The following OTOF variants were observed in gnomAD, a reference collection of about 807,000 sequenced individuals.
OTOF encodes fer-1-like family member 2.
In OTOF, 218 loss-of-function variants were observed where a neutral mutation model predicts 236.8. The observed-to-expected ratio is 0.92, with a 90% CI of 0.82 to 1.03. The LOEUF is 1.03. OTOF is among the 50% of genes least tolerant of loss of function. The pLI, the probability that OTOF is intolerant of heterozygous loss-of-function variation, is 0.00. For synonymous variants in OTOF, 1,041 were observed against 1,072.5 expected (o/e 0.97, Z 0.57); for missense variants, 2,590 against 2,694.4 (o/e 0.96, Z 0.86).
chr2:26,552,255 T>C (rs916384630), intron 1 of OTOF, among the ~76,000 whole-genome samples: 1 of 152,020 alleles, frequency 6.6e-6, no homozygotes, highest in Non-Finnish European at 1.5e-5. Flanking sequence ...CTGAGCATGG[T>C]GGTGCGTGCC....
intron 9 of OTOF, 38 bp downstream of exon 9, chr2:26,494,904 A>G (rs976246288): frequency 3.1e-6 from 5 of 1,613,648 alleles, no homozygotes; most frequent in Non-Finnish European, 3.4e-6. Flanking sequence ...CCCTCCTGCC[A>G]TATTTACAGA....
chr2:26,546,588 T>C (rs1468433788), intron 1 of OTOF, among the ~76,000 whole-genome samples: 1 of 152,196 alleles, frequency 6.6e-6, no homozygotes, highest in Non-Finnish European at 1.5e-5. Flanking sequence ...ATCATTTGCA[T>C]GTCCACATAA....
At chr2:26,490,353 G>A (rs1330806028) in intron 9 of OTOF, among the ~76,000 whole-genome samples, 1 of 152,222 alleles carries the variant, frequency 6.6e-6, no homozygotes, top group East Asian at 1.9e-4. Context: ...GCAAGCCTCA[G>A]AGCAGATGAA....
intron 15 of OTOF, 26 bp from the exon 16 acceptor site, chr2:26,480,337 C>T: frequency 7.1e-7 from 1 of 1,416,144 alleles, no homozygotes; most frequent in Non-Finnish European, 9.9e-7. Context: ...TCAAAGCGTT[C>T]CTGAGCTTGA....
rs766410184 is a variant in OTOF at position 26,483,596 on chromosome 2, A to G, written c.1258T>C (p.Tyr420His). ...VPPERQWARF[Y>H]VKIYRAEGLP... ...CCCTCTGCTCGGTAAATTTTCACATAGAACCGGGCCCACTGGCGTTCGGGG... is the reference window on the plus strand; with the variant it reads ...CCCTCTGCTCGGTAAATTTTCACATGGAACCGGGCCCACTGGCGTTCGGGG... The change falls in exon 13 of 47, where the codon TAT becomes CAT. Residue 420 changes from tyrosine to histidine, a missense_variant. Tyr to His is a moderately conservative substitution (Grantham distance 83). Transcript: ENST00000272371. The G allele has an allele frequency of 1.2e-6, 2 of 1,613,510 alleles. No homozygotes were observed. Among genetic ancestry groups the G allele is most frequent in the Non-Finnish European group, 8.5e-7 (1 of 1,180,032 alleles).
At chr2:26,496,257 T>G (rs960548981) in intron 8 of OTOF, among the ~76,000 whole-genome samples, 1 of 139,260 alleles carries the variant, frequency 7.2e-6, no homozygotes, top group Non-Finnish European at 1.5e-5. Context: ...TTTTTCACAC[T>G]GAGTCTCTCT....
Position 26,477,781 on chromosome 2 carries a change from C to T in OTOF, c.2215-32G>A, listed in dbSNP as rs751731731. ...ATCAGGAGTGTGGGTGATGCTGGGC[C>T]ACAGCCCCGCCTCCCCAGCCTCCCC... On this transcript the variant is annotated intron_variant, in intron 18 of 46. Coordinates refer to ENST00000272371, the MANE Select transcript of OTOF (RefSeq NM_194248.3). The surrounding 1 kb of genome is among the most constrained non-coding windows in gnomAD (Gnocchi z 4.7). 1 of 1,610,678 alleles carries T rather than the reference C, an allele frequency of 6.2e-7. No homozygotes were observed. The highest frequency in any genetic ancestry group is 8.5e-7 in the Non-Finnish European group (1 of 1,179,050).
rs141047388 is a variant in OTOF at position 26,502,540 on chromosome 2, T to G, written c.584-114A>C. The G allele has an allele frequency of 2.7e-4, 295 of 1,080,170 alleles. 2 individuals are homozygous for G. Among genetic ancestry groups the G allele is most frequent in the South Asian group, 2.5e-3 (188 of 74,424 alleles). The allele number at this position is 1,080,170 out of a possible 1,614,324, so 66.9% of individuals were successfully genotyped here. The stretch of plus-strand genomic sequence containing the variant: ...GAGTTAAATTCGAGGTTTACTTAGT[T>G]GCTACCGCTTAGAATATTATGGCCT... On this transcript the variant is annotated intron_variant, in intron 6 of 46. Transcript: ENST00000272371.
At chr2:26,522,530 C>T (rs1438534650) in intron 3 of OTOF, among the ~76,000 whole-genome samples, 1 of 152,232 alleles carries the variant, frequency 6.6e-6, no homozygotes, top group Non-Finnish European at 1.5e-5. Flanking sequence ...GGCCTTTGTG[C>T]ATCCTGGCTG....
rs929164093 is a variant in OTOF at position 26,470,102 on chromosome 2, G to C, written c.4023+491C>G. ...AAAACATTATGAAGAAGAGTCGTAAGGACTACTGATAAGCAGTTGTTCCCT... is the reference window on the plus strand; with the variant it reads ...AAAACATTATGAAGAAGAGTCGTAACGACTACTGATAAGCAGTTGTTCCCT... On this transcript the variant is annotated intron_variant, in intron 32 of 46. Transcript: ENST00000272371. This position sits in a 1 kb window ranked among gnomAD's most constrained non-coding sequence, Gnocchi z 4.3. Among the ~76,000 whole-genome samples, 12 of 152,192 alleles carry C rather than the reference G, an allele frequency of 7.9e-5. No homozygotes were observed. Among genetic ancestry groups the C allele is most frequent in the Admixed American group, 7.2e-4 (11 of 15,288 alleles).
At chr2:26,540,975 T>TC (rs1248236163) in intron 1 of OTOF, among the ~76,000 whole-genome samples, 4 of 152,216 alleles carry the variant, frequency 2.6e-5, no homozygotes, top group African/African-American at 7.2e-5. Flanking sequence ...CTTTTAATTT[T>TC]CCCCGCAGGT....
chr2:26,553,260 C>T (rs1242767884), intron 1 of OTOF, among the ~76,000 whole-genome samples: 1 of 152,136 alleles, frequency 6.6e-6, no homozygotes, highest in Non-Finnish European at 1.5e-5. Flanking sequence ...TGTGGCTTCC[C>T]CGACATGGAA....
intron 7 of OTOF, 46 bp from the exon 8 acceptor site, chr2:26,501,854 T>C (rs781717330): frequency 1.5e-5 from 22 of 1,449,952 alleles, no homozygotes; most frequent in Non-Finnish European, 1.8e-5. Flanking sequence ...GGGGACTGCT[T>C]GTTGGGGAGG....
intron 8 of OTOF, among the ~76,000 whole-genome samples, chr2:26,500,167 C>T (rs1191498202): frequency 6.6e-6 from 1 of 152,182 alleles, no homozygotes; most frequent in African/African-American, 2.4e-5. Context: ...TGAACCCTGG[C>T]TCTAACCTTG....
intron 11 of OTOF, 60 bp downstream of exon 11, chr2:26,489,151 G>C (rs1009810833): frequency 8.1e-6 from 10 of 1,232,586 alleles, no homozygotes; most frequent in Non-Finnish European, 1.0e-5. Flanking sequence ...GAAGGGCCCC[G>C]TGCACCACGC....
chr2:26,502,285 C>T lies in OTOF; in HGVS notation c.710+15G>A, dbSNP rs1558502284. Reference sequence around the variant, plus strand: ...GGTGGGGGCAGCTGGGGTTGCAGGGCTCCCGTCCACTCACCGCTTGTTGGA... The same window carrying T: ...GGTGGGGGCAGCTGGGGTTGCAGGGTTCCCGTCCACTCACCGCTTGTTGGA... On this transcript the variant is annotated intron_variant, in intron 7 of 46. Coordinates refer to ENST00000272371, the MANE Select transcript of OTOF (RefSeq NM_194248.3). The T allele has an allele frequency of 3.1e-6, 5 of 1,613,882 alleles. No individual in the cohort carries two copies. The highest frequency in any genetic ancestry group is 4.2e-6 in the Non-Finnish European group (5 of 1,179,934).
At chr2:26,489,361 G>A (rs971230288) in intron 10 of OTOF, 66 bp from the exon 11 acceptor site, 19 of 1,267,608 alleles carry the variant, frequency 1.5e-5, no homozygotes, top group Non-Finnish European at 2.0e-5. Context: ...TGGGGCAGTG[G>A]TGGGACCCGA....
intron 1 of OTOF, among the ~76,000 whole-genome samples, chr2:26,548,878 A>G (rs1475936668): frequency 9.9e-5 from 15 of 152,150 alleles, no homozygotes; most frequent in Admixed American, 9.8e-4. Context: ...TACTCCTATC[A>G]CTAAGCGATG....
At chr2:26,478,774 C>T (rs972814525) in intron 18 of OTOF, among the ~76,000 whole-genome samples, 19 of 152,194 alleles carry the variant, frequency 1.2e-4, no homozygotes, top group African/African-American at 4.6e-4. Flanking sequence ...TCTTGGCTCA[C>T]TGCAAACTCC....
Sources: gnomAD v4.1 joint callset for allele counts (sites outside exome capture counted in the v4.1 genomes callset) on GRCh38, gnomAD v4.1.1 for gene constraint, Gnocchi (gnomAD v3.1) non-coding constraint, MANE v1.5 for transcripts, NCBI Gene and HGNC (gene_info 2026-07-23, HGNC 2026-07-21) for gene names.